Variants in NXPE2 observed in about 807,000 individuals in gnomAD.
NXPE2 encodes NXPE family member 2.
NXPE2 carries 34 observed loss-of-function variants against 34.4 expected under a neutral mutation model. That is an observed-to-expected ratio of 0.99 (90% confidence interval 0.75 to 1.31). NXPE2 has a LOEUF of 1.31. NXPE2 is among the 40% of genes most tolerant of loss of function. The pLI, the probability that NXPE2 is intolerant of heterozygous loss-of-function variation, is 0.00. For missense variants in NXPE2, 649 were observed against 672.5 expected, an observed-to-expected ratio of 0.97 and a Z score of 0.39; for synonymous variants, 235 against 231.3, an observed-to-expected ratio of 1.02 and a Z score of -0.15.
At chr11:114,612,457 G>A in the NXPE2 span, among the ~76,000 whole-genome samples, 3 of 150,778 alleles carry the variant, frequency 2.0e-5, no homozygotes, top group African/African-American at 7.3e-5. Context: ...CTACCTGATG[G>A]ATAAGTGTTG....
chr11:114,573,736 A>C, the NXPE2 span, among the ~76,000 whole-genome samples: 1 of 152,076 alleles, frequency 6.6e-6, no homozygotes, highest in African/African-American at 2.4e-5. Flanking sequence ...TAGACCAAAA[A>C]AAATGAGAGA....
chr11:114,744,865 CA>C, the NXPE2 span, among the ~76,000 whole-genome samples: 1 of 152,016 alleles, frequency 6.6e-6, no homozygotes, highest in African/African-American at 2.4e-5. Flanking sequence ...TTTATCATTA[CA>C]ATTATAAAAC....
chr11:114,669,423 A>G, the NXPE2 span, among the ~76,000 whole-genome samples: 159 of 152,202 alleles, frequency 1.0e-3, 1 homozygote, highest in African/African-American at 3.6e-3. Flanking sequence ...AGTCAAGAAT[A>G]TCTTACCTGA....
At chr11:114,606,974 G>A in the NXPE2 span, among the ~76,000 whole-genome samples, 1 of 151,880 alleles carries the variant, frequency 6.6e-6, no homozygotes, top group African/African-American at 2.4e-5. Context: ...TTGCCTTGTG[G>A]GTAACCACTG....
intron 2 of NXPE2, among the ~76,000 whole-genome samples, chr11:114,689,964 G>A (rs1316796497): frequency 6.6e-6 from 1 of 151,986 alleles, no homozygotes; most frequent in Non-Finnish European, 1.5e-5. Context: ...CCTTTACTAT[G>A]ATCCTATGGG....
At chr11:114,738,678 G>A in the NXPE2 span, among the ~76,000 whole-genome samples, 2 of 152,114 alleles carry the variant, frequency 1.3e-5, no homozygotes, top group African/African-American at 2.4e-5. Context: ...TATAATGAAT[G>A]TACCCATTCC....
the NXPE2 span, chr11:114,529,845 T>C: frequency 2.3e-5 from 6 of 255,836 alleles, no homozygotes; most frequent in East Asian, 3.3e-4. Flanking sequence ...AACGCAAAGA[T>C]ATTTAAGGGG....
chr11:114,500,661 T>C, the NXPE2 span, among the ~76,000 whole-genome samples: 1 of 152,180 alleles, frequency 6.6e-6, no homozygotes, highest in Non-Finnish European at 1.5e-5. Context: ...TTGCTTTTTG[T>C]GTTTTACTTA....
chr11:114,662,750 C>T, the NXPE2 span, among the ~76,000 whole-genome samples: 62 of 152,108 alleles, frequency 4.1e-4, 1 homozygote, highest in Non-Finnish European at 7.5e-4. Context: ...GTGAGGCTGC[C>T]GTTCCAGGCC....
At chr11:114,473,522 A>C in the NXPE2 span, among the ~76,000 whole-genome samples, 1,502 of 152,350 alleles carry the variant, frequency 9.9e-3, 30 homozygotes, top group African/African-American at 0.034. Context: ...AAGAAACAGA[A>C]AAATATCTCA....
the NXPE2 span, among the ~76,000 whole-genome samples, chr11:114,504,530 G>A: frequency 7.3e-4 from 111 of 152,134 alleles, no homozygotes; most frequent in African/African-American, 2.5e-3. Flanking sequence ...CCACACCCTG[G>A]CACCCCCAGC....
chr11:114,719,612 A>T, the NXPE2 span, among the ~76,000 whole-genome samples: 2 of 152,242 alleles, frequency 1.3e-5, no homozygotes, highest in Admixed American at 1.3e-4. Context: ...ACAGTCACAG[A>T]CTTTGCTTCT....
At chr11:114,507,806 G>C in the NXPE2 span, among the ~76,000 whole-genome samples, 3,098 of 151,760 alleles carry the variant, frequency 0.02, 110 homozygotes, top group African/African-American at 0.07. Context: ...GGCAAAAGCT[G>C]GAAGCATTCC....
the NXPE2 span, among the ~76,000 whole-genome samples, chr11:114,539,259 A>G: frequency 7.1e-6 from 1 of 140,712 alleles, no homozygotes; most frequent in East Asian, 2.3e-4. Context: ...CAGGAAGGGG[A>G]ACATCACACA....
At chr11:114,652,479 C>T in the NXPE2 span, among the ~76,000 whole-genome samples, 1 of 152,160 alleles carries the variant, frequency 6.6e-6, no homozygotes, top group African/African-American at 2.4e-5. Context: ...TAGGGTCACA[C>T]AATTCTCTAC....
At chr11:114,595,547 T>C in the NXPE2 span, 1 of 152,340 alleles carries the variant, frequency 6.6e-6, no homozygotes, top group Non-Finnish European at 1.5e-5. Context: ...AAAATAAATG[T>C]CACACCTTTC....
At chr11:114,780,945 T>G in the NXPE2 span, among the ~76,000 whole-genome samples, 85 of 152,126 alleles carry the variant, frequency 5.6e-4, no homozygotes, top group Non-Finnish European at 1.1e-3. Context: ...GGTGAGGCAT[T>G]GCAGTGAGGG....
At chr11:114,783,851 G>T in the NXPE2 span, among the ~76,000 whole-genome samples, 2 of 152,064 alleles carry the variant, frequency 1.3e-5, no homozygotes, top group African/African-American at 4.8e-5. Context: ...CTTATAATCA[G>T]GTGAATTTGG....
the NXPE2 span, among the ~76,000 whole-genome samples, chr11:114,635,509 G>A: frequency 2.4e-4 from 37 of 152,108 alleles, no homozygotes; most frequent in Non-Finnish European, 3.1e-4. Context: ...CTGATGAATA[G>A]GAGTGGTGAG....
Sources: gnomAD v4.1 joint callset for allele counts (sites outside exome capture counted in the v4.1 genomes callset) on GRCh38, gnomAD v4.1.1 for gene constraint, MANE v1.5 for transcripts, NCBI Gene and HGNC (gene_info 2026-07-23, HGNC 2026-07-21) for gene names.